The following CROCC2 variants were observed in gnomAD, a reference collection of about 807,000 sequenced individuals.
CROCC2 encodes ciliary rootlet coiled-coil, rootletin family member 2.
Under a neutral mutation model 177.6 loss-of-function variants are expected in CROCC2, and 163 were observed. That is an observed-to-expected ratio of 0.92 (90% CI 0.81 to 1.05). The LOEUF is 1.05. Ranked by LOEUF, CROCC2 falls within the 50% of genes least tolerant of loss-of-function variation. The pLI is 0.00. For missense variants in CROCC2, 1,929 were observed against 1,797.8 expected, an observed-to-expected ratio of 1.07 and a Z score of -1.32; for synonymous variants, 904 against 787.3, an observed-to-expected ratio of 1.15 and a Z score of -2.48.
Position 240,973,990 on chromosome 2 carries a change from G to A in CROCC2, c.4401+5728G>A, listed in dbSNP as rs758641577. 5.9e-5 allele frequency among the ~76,000 whole-genome samples: 9 copies of A among 152,016 alleles called. No individual in the cohort carries two copies. Among genetic ancestry groups the A allele is most frequent in the African/African-American group, 1.9e-4 (8 of 41,378 alleles). On this transcript the variant is annotated intron_variant, in intron 27 of 31. Coordinates refer to ENST00000690015, the MANE Select transcript of CROCC2 (RefSeq NM_001351305.2). The surrounding 1 kb of genome is among the most constrained non-coding windows in gnomAD (Gnocchi z 4.7). ...TCTTTTCTGTCAAGGGTCTGCTTTC[G>A]TTTTCCATTTCTTCTCGGGTCAGTT... is the stretch of plus-strand genomic sequence containing the variant.
At chr2:240,930,323 A>C in intron 6 of CROCC2, 54 bp downstream of exon 6, 1 of 479,446 alleles carries the variant, frequency 2.1e-6, no homozygotes, top group Non-Finnish European at 3.8e-6. Context: ...GGGAGCTGAA[A>C]CCCCCTTGGG....
At chr2:240,967,034 CT>C (rs919088694) in intron 25 of CROCC2, among the ~76,000 whole-genome samples, 2 of 152,156 alleles carry the variant, frequency 1.3e-5, no homozygotes, top group African/African-American at 2.4e-5. Flanking sequence ...ACCGGTCCCC[CT>C]GACCACAGGC....
At chr2:240,962,500 G>A (rs930177136) in intron 20 of CROCC2, among the ~76,000 whole-genome samples, 15 of 152,162 alleles carry the variant, frequency 9.9e-5, no homozygotes, top group Non-Finnish European at 2.1e-4. Context: ...GGAGGGGAGC[G>A]GAGGGGAGGC....
At chr2:240,915,514 C>G (rs1001482621) in intron 1 of CROCC2, among the ~76,000 whole-genome samples, 1 of 152,230 alleles carries the variant, frequency 6.6e-6, no homozygotes, top group Non-Finnish European at 1.5e-5. Context: ...CAGATGGGGA[C>G]ATGAGGTGGG....
At chr2:240,950,617 G>A (rs749264923) in intron 18 of CROCC2, 107 bp downstream of exon 18, 118 of 1,144,422 alleles carry the variant, frequency 1.0e-4, no homozygotes, top group South Asian at 1.3e-4. Context: ...AGGTCCAACC[G>A]CCTACCCACC....
chr2:240,976,225 G>A (rs1431548328), intron 27 of CROCC2, among the ~76,000 whole-genome samples: 6 of 123,594 alleles, frequency 4.9e-5, no homozygotes, highest in East Asian at 2.7e-4. Flanking sequence ...TGGAGCCCAG[G>A]CTCATCCCTG....
chr2:240,951,931 C>T (rs916726942), intron 18 of CROCC2, among the ~76,000 whole-genome samples: 4 of 152,188 alleles, frequency 2.6e-5, no homozygotes, highest in Non-Finnish European at 5.9e-5. Context: ...TAAAAGCTAC[C>T]GAGTCTAGGC....
intron 1 of CROCC2, among the ~76,000 whole-genome samples, chr2:240,916,206 G>T (rs1484098593): frequency 6.6e-6 from 1 of 151,920 alleles, no homozygotes; most frequent in Non-Finnish European, 1.5e-5. Context: ...CAGGCCTCCG[G>T]ACACGCCGAC....
rs759959612 is a variant in CROCC2, at chr2:240,959,328, C to T, written c.2971C>T (p.Leu991=). Residue 991 remains leucine, a synonymous_variant, in exon 20 of 32, where the codon CTG becomes TTG. Coordinates refer to ENST00000690015, the MANE Select transcript of CROCC2 (RefSeq NM_001351305.2). ...QATISATTEE[L]KALQAQFEDA... is the part of the protein sequence containing the mutation. ...CACCATCAGTGCCACGACTGAGGAG[C>T]TGAAGGCCCTCCAGGCCCAGTTTGA... is the stretch of plus-strand genomic sequence containing the variant. 2 of 1,550,414 alleles carry T rather than the reference C, an allele frequency of 1.3e-6. No homozygotes were observed. Among genetic ancestry groups the T allele is most frequent in the Non-Finnish European group, 1.7e-6 (2 of 1,146,968 alleles).
At position 240,918,535 on chromosome 2, in the gene CROCC2, G is replaced by C. The variant is rs116145204; in HGVS notation, c.79-191G>C. ...TCCTCTCCAGAACCTGGGGACAGGC[G>C]CAGCCCCACTCCGCAGGTGCAGAAC... is the stretch of plus-strand genomic sequence containing the variant. On this transcript the variant is annotated intron_variant, in intron 1 of 31. Transcript: ENST00000690015. The surrounding 1 kb of genome is among the most constrained non-coding windows in gnomAD (Gnocchi z 6.3). Among the ~76,000 whole-genome samples the C allele has an allele frequency of 0.011, 1,742 of 152,314 alleles. 28 individuals carry two copies. Among genetic ancestry groups the C allele is most frequent in the African/African-American group, 0.039 (1,630 of 41,562 alleles).
chr2:240,911,323 G>T (rs1434207621), intron 1 of CROCC2, among the ~76,000 whole-genome samples: 1 of 124,026 alleles, frequency 8.1e-6, no homozygotes, highest in Non-Finnish European at 1.6e-5. Flanking sequence ...TTTAGACAGA[G>T]TTGGTCTCTG....
chr2:240,927,190 C>G (rs1041433441), intron 5 of CROCC2, among the ~76,000 whole-genome samples: 2 of 152,200 alleles, frequency 1.3e-5, no homozygotes, highest in African/African-American at 4.8e-5. Context: ...GGCTCCTTAT[C>G]GAAGTAACAT....
chr2:240,935,267 A>T, intron 13 of CROCC2, 91 bp from the exon 14 acceptor site: 1 of 1,256,014 alleles, frequency 8.0e-7, no homozygotes, highest in Non-Finnish European at 1.0e-6. Flanking sequence ...GGGAGGGAAG[A>T]CAGTGCCCCG....
chr2:240,992,942 G>A (rs2059889385), intron 31 of CROCC2, 124 bp from the exon 32 acceptor site: 1 of 639,466 alleles, frequency 1.6e-6, no homozygotes, highest in African/African-American at 1.8e-5. Flanking sequence ...GGGAGGAACA[G>A]AAGTTCAAGG....
At chr2:240,928,378 C>T (rs2059406616) in intron 5 of CROCC2, among the ~76,000 whole-genome samples, 1 of 151,650 alleles carries the variant, frequency 6.6e-6, no homozygotes. Context: ...TCTGGACAGG[C>T]AGTTTTCCTT....
intron 20 of CROCC2, 159 bp from the exon 21 acceptor site, chr2:240,963,397 C>A: frequency 1.4e-6 from 1 of 735,988 alleles, no homozygotes; most frequent in Non-Finnish European, 2.1e-6. Flanking sequence ...CTCCGCAGCA[C>A]TAGGGATTGG....
chr2:240,988,018 G>A (rs908984967), intron 28 of CROCC2, among the ~76,000 whole-genome samples: 26 of 152,370 alleles, frequency 1.7e-4, no homozygotes, highest in Non-Finnish European at 3.4e-4. Flanking sequence ...CTCTGTAAGA[G>A]AGAACTCTTA....
At chr2:240,951,099 C>T (rs2059553301) in intron 18 of CROCC2, among the ~76,000 whole-genome samples, 1 of 151,860 alleles carries the variant, frequency 6.6e-6, no homozygotes, top group African/African-American at 2.4e-5. Context: ...ATCCACCCAT[C>T]CACCTGTTCA....
At chr2:240,966,109 G>A in intron 24 of CROCC2, 116 bp downstream of exon 24, 1 of 1,266,082 alleles carries the variant, frequency 7.9e-7, no homozygotes, top group South Asian at 3.5e-5. Flanking sequence ...GCAATTGTAG[G>A]AACCTGTGGC....
Sources: gnomAD v4.1 joint callset for allele counts (sites outside exome capture counted in the v4.1 genomes callset) on GRCh38, gnomAD v4.1.1 for gene constraint, Gnocchi (gnomAD v3.1) non-coding constraint, MANE v1.5 for transcripts, NCBI Gene and HGNC (gene_info 2026-07-23, HGNC 2026-07-21) for gene names.